ACP2: variants seen among roughly 807,000 people sequenced by gnomAD.
The protein encoded by ACP2 is acid phosphatase 2, lysosomal.
ACP2 carries 35 observed loss-of-function variants against 54.7 expected under a neutral mutation model. The ratio of observed to expected loss-of-function variants is 0.64; its 90% confidence interval spans 0.49 to 0.85. ACP2 has a LOEUF of 0.85. Ranked by LOEUF, ACP2 falls within the 40% of genes least tolerant of loss-of-function variation. The pLI is 0.00. For missense variants in ACP2, 492 were observed against 565.0 expected, an observed-to-expected ratio of 0.87 and a Z score of 1.31; for synonymous variants, 210 against 224.4, an observed-to-expected ratio of 0.94 and a Z score of 0.57.
chr11:47,248,668 C>A lies in ACP2; in HGVS notation c.114+8G>T. 1 of 1,607,972 alleles carries A rather than the reference C, an allele frequency of 6.2e-7. No homozygotes were observed. On this transcript the variant is annotated splice_region_variant and intron_variant, in intron 1 of 10. Transcript: ENST00000672073. ...AGGGAAGTCTTTGGTGAGCCCATCT[C>A]TCATTACCAAGGTAACGAAGCGCAG...
chr11:47,245,629 C>A (rs1449729655), intron 4 of ACP2, 53 bp downstream of exon 4: 1 of 1,614,052 alleles, frequency 6.2e-7, no homozygotes, highest in African/African-American at 1.3e-5. Context: ...ATCAGCAGGC[C>A]TACGGCCAGA....
rs768932095 is a variant in ACP2 at position 47,245,750 on chromosome 11, G to A, written c.382C>T (p.Gln128Ter). 1 of 1,613,496 alleles carries A rather than the reference G, an allele frequency of 6.2e-7. No homozygotes were observed. The highest frequency in any genetic ancestry group is 1.7e-5 in the Admixed American group (1 of 59,952). ...LAGLFPPNGM[Q>*]RFNPNISWQP... ...CACGAGATGTTCGGGTTGAAGCGCT[G>A]CATCCCGTTGGGAGGGAAGAGTCCA... The change falls in exon 4 of 11, where the codon CAG (glutamine) becomes TAG (stop). Residue 128 changes from glutamine to a stop codon, truncating the protein, a stop_gained. Coordinates refer to ENST00000672073, the MANE Select transcript of ACP2 (RefSeq NM_001610.4). LOFTEE classifies it high-confidence loss of function.
At chr11:47,241,483 C>A (rs974866066) in intron 10 of ACP2, among the ~76,000 whole-genome samples, 2 of 152,192 alleles carry the variant, frequency 1.3e-5, no homozygotes, top group African/African-American at 2.4e-5. Context: ...CGCCACTGCA[C>A]TCCAGCCTGG....
rs775519096 is a variant in ACP2 at position 47,245,201 on chromosome 11, C to T, written c.639+104G>A. ...TCACAAGCACAGCCTCCCTGGACCT[C>T]CCCAGGGGCGTGACGGTATCAGGCA... On this transcript the variant is annotated intron_variant, in intron 6 of 10. Coordinates refer to ENST00000672073, the MANE Select transcript of ACP2 (RefSeq NM_001610.4). The T allele has an allele frequency of 7.8e-6, 10 of 1,276,090 alleles. No individual in the cohort carries two copies. The Admixed American group carries it at 8.4e-5, about 11-fold the overall frequency. 79.0% of individuals were successfully genotyped at this position (1,276,090 alleles called of 1,614,324 possible).
Position 47,248,814 on chromosome 11 carries a change from C to G in ACP2, c.-25G>C, listed in dbSNP as rs1442497016. On this transcript the variant is annotated 5_prime_UTR_variant, in exon 1 of 11. Coordinates refer to ENST00000672073, the MANE Select transcript of ACP2 (RefSeq NM_001610.4). ...TCACCGTTGTAATCTATGCAGCAAA[C>G]AAGCTGGAACCCGCTGGGTGGCACC... The G allele has an allele frequency of 2.6e-6, 4 of 1,567,170 alleles. No homozygotes were observed. Among genetic ancestry groups the G allele is most frequent in the African/African-American group, 2.7e-5 (2 of 73,944 alleles).
intron 7 of ACP2, 150 bp from the exon 8 acceptor site, chr11:47,243,471 T>C (rs1281223241): frequency 3.2e-6 from 2 of 626,330 alleles, no homozygotes; most frequent in African/African-American, 1.8e-5. Flanking sequence ...GTAAGAACTC[T>C]GTGGCACCCC....
chr11:47,247,495 A>G, intron 3 of ACP2, 146 bp downstream of exon 3: 1 of 915,144 alleles, frequency 1.1e-6, no homozygotes, highest in Non-Finnish European at 1.7e-6. Context: ...TTTGTTCCAG[A>G]CAGCTCTCAG....
chr11:47,244,656 G>A, intron 7 of ACP2, 79 bp downstream of exon 7: 1 of 1,163,810 alleles, frequency 8.6e-7, no homozygotes. Context: ...AGAGGGAAGT[G>A]TGTGAGAAGC....
chr11:47,240,200 T>C lies in ACP2; in HGVS notation c.1188A>G (p.Ile396Met), dbSNP rs765912324. The C allele has an allele frequency of 2.5e-6, 4 of 1,613,060 alleles. No individual in the cohort carries two copies. The highest frequency in any genetic ancestry group is 1.1e-5 in the South Asian group (1 of 91,066). The change falls in exon 11 of 11, where the codon ATA becomes ATG. Residue 396 changes from isoleucine to methionine, a missense_variant. Physicochemically the swap from Ile to Met is conservative, Grantham distance 10 (BLOSUM62 1). Transcript: ENST00000672073. ...AVCGSILFLL[I>M]VLLLTVLFRM... Reference sequence around the variant, plus strand: ...GGAAGAGGACGGTGAGGAGCAGCACTATGAGGAGGAAGAGGATGGAGCCAC... The same window carrying C: ...GGAAGAGGACGGTGAGGAGCAGCACCATGAGGAGGAAGAGGATGGAGCCAC...
Position 47,240,031 on chromosome 11 carries a change from C to G in ACP2, c.*85G>C. ...GGAGGCCCAACCCAGGATCTCCTGT[C>G]CATGGGCTGGGGAGCAGCAACAGTC... On this transcript the variant is annotated 3_prime_UTR_variant, in exon 11 of 11. Transcript: ENST00000672073. 2 of 1,468,612 alleles carry G rather than the reference C, an allele frequency of 1.4e-6. No individual in the cohort carries two copies. Among genetic ancestry groups the G allele is most frequent in the Non-Finnish European group, 1.8e-6 (2 of 1,086,350 alleles). The allele number at this position is 1,468,612 out of a possible 1,614,324, so 91.0% of individuals were successfully genotyped here.
At position 47,242,771 on chromosome 11, in the gene ACP2, T is replaced by C. The variant is rs1368381081; in HGVS notation, c.1090A>G (p.Lys364Glu). ...AGCTGGCACTCCTGCTGCCAATCCT[T>C]GGGCACGACGGGCTCTGTGAGGCGA... ...FLRLTEPVVP[K>E]DWQQECQLAS... Residue 364 changes from lysine (K) to glutamate (E), a missense_variant, in exon 10 of 11, where the codon AAG becomes GAG. Transcript: ENST00000672073. 1.9e-6 allele frequency: 3 copies of C among 1,614,082 alleles called. No homozygotes were observed. The East Asian group carries it at 6.7e-5, about 36-fold the overall frequency.
chr11:47,244,770 A>G lies in ACP2; in HGVS notation c.737T>C (p.Ile246Thr). The change falls in exon 7 of 11, where the codon ATC becomes ACC. Residue 246 changes from isoleucine (I) to threonine (T), a missense_variant. Physicochemically the swap from Ile to Thr is moderately conservative, Grantham distance 89 (BLOSUM62 -1). Transcript: ENST00000672073. Reference sequence around the variant, plus strand: ...CCGGGCCTTCTCCGCCTGCTGGTAGATTCCGAAGAGGAAGCGGAAGCTGAA... The same window carrying G: ...CCGGGCCTTCTCCGCCTGCTGGTAGGTTCCGAAGAGGAAGCGGAAGCTGAA... ...KDFSFRFLFG[I>T]YQQAEKARLQ... 6.2e-7 allele frequency: 1 copy of G among 1,612,526 alleles called. No homozygotes were observed. The highest frequency in any genetic ancestry group is 1.7e-5 in the Admixed American group (1 of 59,938).
At chr11:47,242,637 G>A (rs1953914133) in intron 10 of ACP2, 86 bp downstream of exon 10, 2 of 1,501,594 alleles carry the variant, frequency 1.3e-6, no homozygotes, top group Non-Finnish European at 1.8e-6. Flanking sequence ...TCAAATGGCT[G>A]GAAGTGCGAC....
chr11:47,247,472 C>G (rs1954198928), intron 3 of ACP2, 169 bp downstream of exon 3: 3 of 751,892 alleles, frequency 4.0e-6, no homozygotes, highest in Admixed American at 2.7e-5. Flanking sequence ...AGGGGCAACT[C>G]AGCTCCTAGG....
Position 47,243,035 on chromosome 11 carries a change from C to T in ACP2, c.945G>A (p.Leu315=), listed in dbSNP as rs775554240. 2.5e-6 allele frequency: 4 copies of T among 1,614,138 alleles called. No individual in the cohort carries two copies. Among genetic ancestry groups the T allele is most frequent in the East Asian group, 2.2e-5 (1 of 44,900 alleles). ...CCACTCACCCAGAATCTTCCTGGTACAGTTCAAATATGTGGCAGGAGGCGT... is the reference window on the plus strand; with the variant it reads ...CCACTCACCCAGAATCTTCCTGGTATAGTTCAAATATGTGGCAGGAGGCGT... ...APYASCHIFE[L]YQEDSGNFSV... The change falls in exon 9 of 11, where the codon CTG becomes CTA. Residue 315 remains leucine (L), a synonymous_variant. Transcript: ENST00000672073.
intron 3 of ACP2, among the ~76,000 whole-genome samples, chr11:47,246,421 A>T (rs902992048): frequency 3.2e-4 from 49 of 151,032 alleles, no homozygotes; most frequent in South Asian, 6.3e-4. Context: ...ACAAAAAAAA[A>T]TTTTTTAATT....
chr11:47,242,554 C>A (rs1445239396), intron 10 of ACP2, among the ~76,000 whole-genome samples, 169 bp downstream of exon 10: 1 of 152,080 alleles, frequency 6.6e-6, no homozygotes, highest in Non-Finnish European at 1.5e-5. Context: ...AGTGAGACAT[C>A]ACCCGAGGGT....
At position 47,245,632 on chromosome 11, in the gene ACP2, C is replaced by T. The variant is rs768842094; in HGVS notation, c.450+50G>A. 121 of 1,613,866 alleles carry T rather than the reference C, an allele frequency of 7.5e-5. No individual in the cohort carries two copies. In the Admixed American group the frequency reaches 1.5e-3, roughly 20 times the overall value. On this transcript the variant is annotated intron_variant, in intron 4 of 10. Coordinates refer to ENST00000672073, the MANE Select transcript of ACP2 (RefSeq NM_001610.4). ...AAGGAGCCTGGCATCAGCAGGCCTA[C>T]GGCCAGAGCTGTCCCCTCACCACCC...
chr11:47,245,926 ATG>A (rs372003913), intron 3 of ACP2, 92 bp from the exon 4 acceptor site: 1,571 of 1,345,892 alleles, frequency 1.2e-3, no homozygotes, highest in South Asian at 4.1e-3. Context: ...CCTTGTATGT[ATG>A]TGTGTGTGTG....
Sources: gnomAD v4.1 joint callset for allele counts (sites outside exome capture counted in the v4.1 genomes callset) on GRCh38, gnomAD v4.1.1 for gene constraint, MANE v1.5 for transcripts, NCBI Gene and HGNC (gene_info 2026-07-23, HGNC 2026-07-21) for gene names.